Variants in ATP9B observed in about 807,000 individuals in gnomAD.
The protein encoded by ATP9B is ATPase phospholipid transporting 9B.
A neutral mutation model predicts 146.1 loss-of-function variants in ATP9B; 110 were observed. The ratio of observed to expected loss-of-function variants is 0.75; its 90% CI spans 0.65 to 0.88. The LOEUF is 0.88. ATP9B is among the 40% of genes least tolerant of loss of function. ATP9B has a pLI of 0.00. For missense variants in ATP9B, 1,499 were observed against 1,496.4 expected (o/e 1.00, Z -0.03); for synonymous variants, 604 against 569.7 (o/e 1.06, Z -0.86).
chr18:79,337,795 A>G (rs2096836022), intron 19 of ATP9B, among the ~76,000 whole-genome samples: 1 of 152,228 alleles, frequency 6.6e-6, no homozygotes, highest in Admixed American at 6.5e-5. Flanking sequence ...GCATGGAGCC[A>G]GTGCCCGTCA....
chr18:79,211,129 G>C (rs2095580404), intron 10 of ATP9B, among the ~76,000 whole-genome samples: 1 of 152,002 alleles, frequency 6.6e-6, no homozygotes, highest in African/African-American at 2.4e-5. Flanking sequence ...AATATTGAGT[G>C]GACTACTTGT....
chr18:79,216,905 T>C (rs902751677), intron 11 of ATP9B, among the ~76,000 whole-genome samples: 2 of 152,264 alleles, frequency 1.3e-5, no homozygotes, highest in Non-Finnish European at 2.9e-5. Flanking sequence ...TGGTGATTAA[T>C]ACATGCTGAG....
chr18:79,322,441 C>A (rs543589713), intron 15 of ATP9B, among the ~76,000 whole-genome samples: 1 of 152,310 alleles, frequency 6.6e-6, no homozygotes, highest in African/African-American at 2.4e-5. Context: ...GCCGCACCCT[C>A]GGGGCACGGT....
chr18:79,287,919 G>T (rs1243582375), intron 13 of ATP9B, among the ~76,000 whole-genome samples: 38 of 151,012 alleles, frequency 2.5e-4, no homozygotes, highest in Admixed American at 2.4e-3. Context: ...CCATGTAGTT[G>T]AGCGGTTTTG....
At chr18:79,093,151 A>G (rs1054929046) in intron 1 of ATP9B, among the ~76,000 whole-genome samples, 2 of 152,166 alleles carry the variant, frequency 1.3e-5, no homozygotes, top group Admixed American at 6.5e-5. Context: ...TTTATATGCA[A>G]TCCATTGTTG....
chr18:79,104,711 T>C (rs1166147167), intron 2 of ATP9B, among the ~76,000 whole-genome samples: 1 of 152,090 alleles, frequency 6.6e-6, no homozygotes, highest in Non-Finnish European at 1.5e-5. Flanking sequence ...TAAAACAGCT[T>C]AGTAAAATAT....
chr18:79,209,966 A>G (rs577958277), intron 10 of ATP9B, among the ~76,000 whole-genome samples: 1 of 152,246 alleles, frequency 6.6e-6, no homozygotes, highest in East Asian at 1.9e-4. Context: ...TTATACTTTA[A>G]AAGTCGTATC....
chr18:79,177,509 C>T (rs2095191794), intron 8 of ATP9B, among the ~76,000 whole-genome samples: 1 of 151,944 alleles, frequency 6.6e-6, no homozygotes, highest in Admixed American at 6.6e-5. Flanking sequence ...TTTCAAAGTG[C>T]TGGGATTACA....
In ATP9B at chr18:79,113,279, T is replaced by G. The variant is rs201493556; in HGVS notation, c.483T>G (p.Tyr161Ter). 15 of 1,600,592 alleles carry G rather than the reference T, an allele frequency of 9.4e-6. No individual in the cohort carries two copies. The Admixed American group carries it at 1.8e-4, about 20-fold the overall frequency. ...AATTCAAGTTTTTCTTGAATCTCTATTTTCTAGTAATATCCTGCTCACAGT... is the reference window on the plus strand; with the variant it reads ...AATTCAAGTTTTTCTTGAATCTCTAGTTTCTAGTAATATCCTGCTCACAGT... ...YEQFKFFLNL[Y>*]FLVISCSQFV... is the part of the protein sequence containing the mutation. The change falls in exon 4 of 30, where the codon TAT becomes TAG. Residue 161 changes from tyrosine to a stop codon, truncating the protein, a stop_gained. Transcript: ENST00000426216. LOFTEE classifies it high-confidence loss of function.
chr18:79,163,869 TACACACACACACACACAC>T (rs56408063), intron 7 of ATP9B, among the ~76,000 whole-genome samples: 3 of 142,680 alleles, frequency 2.1e-5, no homozygotes, highest in East Asian at 4.1e-4. Context: ...TTTTATTTTA[TACACACACACACACACAC>T]ACACACACAC....
intron 15 of ATP9B, among the ~76,000 whole-genome samples, chr18:79,311,798 A>G (rs1017540369): frequency 1.3e-5 from 2 of 152,010 alleles, no homozygotes; most frequent in African/African-American, 4.8e-5. Flanking sequence ...TCGCCTTCCT[A>G]TCTCCAGATA....
intron 24 of ATP9B, 95 bp downstream of exon 24, chr18:79,348,020 C>T: frequency 6.3e-7 from 1 of 1,596,880 alleles, no homozygotes; most frequent in Non-Finnish European, 8.6e-7. Context: ...GTGCTGAGTG[C>T]TGCCGGAAGT....
intron 8 of ATP9B, among the ~76,000 whole-genome samples, chr18:79,182,305 G>A (rs963422746): frequency 3.3e-5 from 5 of 152,110 alleles, no homozygotes; most frequent in East Asian, 3.8e-4. Context: ...TCCTCCGGCC[G>A]GACATACTCT....
chr18:79,171,476 T>A (rs2095069248), intron 7 of ATP9B, among the ~76,000 whole-genome samples: 1 of 152,200 alleles, frequency 6.6e-6, no homozygotes, highest in Non-Finnish European at 1.5e-5. Context: ...AACACCTTTT[T>A]TAAAAATACA....
In ATP9B at chr18:79,231,018, C is replaced by T. The variant is rs138698649; in HGVS notation, c.1107+16980C>T. ...AAATCAACTCAAGATGGATCAAAGA[C>T]TTAAGTCTAAGACCTGAAACCATAC... On this transcript the variant is annotated intron_variant, in intron 11 of 29. Coordinates refer to ENST00000426216, the MANE Select transcript of ATP9B (RefSeq NM_198531.5). Among the ~76,000 whole-genome samples, 17 of 152,272 alleles carry T rather than the reference C, an allele frequency of 1.1e-4. No homozygotes were observed. The East Asian group carries it at 2.9e-3, about 26-fold the overall frequency.
intron 1 of ATP9B, among the ~76,000 whole-genome samples, chr18:79,093,031 C>G (rs1160872510): frequency 6.6e-6 from 1 of 152,072 alleles, no homozygotes; most frequent in African/African-American, 2.4e-5. Flanking sequence ...TTGATTTACA[C>G]CAGCATCACC....
intron 7 of ATP9B, among the ~76,000 whole-genome samples, chr18:79,158,157 G>A (rs1360431362): frequency 6.6e-6 from 1 of 152,078 alleles, no homozygotes; most frequent in African/African-American, 2.4e-5. Flanking sequence ...TTCCATCTAA[G>A]TACTGCTTTT....
In ATP9B at chr18:79,087,379, G is replaced by C. The variant is rs142222641; in HGVS notation, c.120-9097G>C. The stretch of plus-strand genomic sequence containing the variant: ...TTGTCTCCTTTGCTGCTATTGGAGG[G>C]AGAGTCCCAATTTCTCATTAGTTTA... On this transcript the variant is annotated intron_variant, in intron 1 of 29. Coordinates refer to ENST00000426216, the MANE Select transcript of ATP9B (RefSeq NM_198531.5). 221 of 152,352 alleles carry C rather than the reference G, an allele frequency of 1.5e-3. 3 individuals are homozygous for C. The highest frequency in any genetic ancestry group is 5.0e-3 in the African/African-American group (208 of 41,582). The allele number at this position is 152,352 out of a possible 1,614,324, so 9.4% of individuals were successfully genotyped here.
At chr18:79,360,174 G>T (rs2096979443) in intron 26 of ATP9B, 1 of 152,278 alleles carries the variant, frequency 6.6e-6, no homozygotes, top group Non-Finnish European at 1.5e-5. Context: ...GGGTAGAAGA[G>T]AGGCTCAGCT....
Sources: allele counts gnomAD v4.1 joint callset (sites outside exome capture counted in the v4.1 genomes callset), GRCh38; gene constraint gnomAD v4.1.1; transcripts MANE v1.5; gene names NCBI Gene and HGNC (gene_info 2026-07-23, HGNC 2026-07-21).